SGCD: variants seen among roughly 807,000 people sequenced by gnomAD.
SGCD encodes delta-sarcoglycan.
SGCD carries 18 observed loss-of-function variants against 36.6 expected under a neutral mutation model. That is an observed-to-expected ratio of 0.49 (90% confidence interval 0.34 to 0.73). The LOEUF is 0.73. Among genes scored for constraint, SGCD ranks in the 30% least tolerant of loss-of-function variants. The probability of loss-of-function intolerance (pLI) is 0.01; values close to 1 mark genes in which losing one functional copy is unlikely to be tolerated. For missense variants in SGCD, 387 were observed against 346.7 expected (o/e 1.12, Z -0.92); for synonymous variants, 133 against 130.6 (o/e 1.02, Z -0.12).
chr5:156,715,244 G>C (rs1755165969), intron 7 of SGCD, among the ~76,000 whole-genome samples: 1 of 152,150 alleles, frequency 6.6e-6, no homozygotes, highest in African/African-American at 2.4e-5. Flanking sequence ...TAAATTCAAT[G>C]CAATTATTAT....
At chr5:156,033,633 G>A (rs1050174786) in intron 1 of SGCD, among the ~76,000 whole-genome samples, 3 of 152,130 alleles carry the variant, frequency 2.0e-5, no homozygotes, top group African/African-American at 4.8e-5. Flanking sequence ...CTCTTTAATG[G>A]AGGTGAAAGC....
chr5:156,481,095 A>G (rs1179859511), intron 3 of SGCD, among the ~76,000 whole-genome samples: 3 of 152,232 alleles, frequency 2.0e-5, no homozygotes, highest in Non-Finnish European at 4.4e-5. Flanking sequence ...GTATGACTCC[A>G]TAATGTTGGG....
At chr5:156,072,529 G>A (rs1329402536) in intron 1 of SGCD, among the ~76,000 whole-genome samples, 2 of 151,602 alleles carry the variant, frequency 1.3e-5, no homozygotes, top group African/African-American at 2.4e-5. Flanking sequence ...TTCCTTTGAG[G>A]GTAACCCGAC....
At chr5:156,073,092 C>T (rs527298132) in intron 1 of SGCD, among the ~76,000 whole-genome samples, 22 of 152,218 alleles carry the variant, frequency 1.4e-4, no homozygotes, top group Middle Eastern at 3.4e-3. Flanking sequence ...TCCTGTAGCT[C>T]GGAGTAGTTT....
At chr5:156,166,457 C>T (rs1763217110) in intron 3 of SGCD, among the ~76,000 whole-genome samples, 1 of 152,148 alleles carries the variant, frequency 6.6e-6, no homozygotes, top group Admixed American at 6.5e-5. Flanking sequence ...GCTGGGACTA[C>T]AGATGCCAGA....
At chr5:156,577,527 A>C (rs1386069318) in intron 4 of SGCD, among the ~76,000 whole-genome samples, 2 of 152,184 alleles carry the variant, frequency 1.3e-5, no homozygotes, top group Non-Finnish European at 2.9e-5. Flanking sequence ...TTTTCACAAT[A>C]TTTATCCTTC....
intron 1 of SGCD, among the ~76,000 whole-genome samples, chr5:155,965,219 C>T (rs889244114): frequency 1.1e-4 from 17 of 152,114 alleles, no homozygotes; most frequent in African/African-American, 3.9e-4. Context: ...GTTTCAGAAT[C>T]CTGCTCTTTG....
intron 1 of SGCD, among the ~76,000 whole-genome samples, chr5:156,080,096 C>T (rs1019030877): frequency 3.3e-5 from 5 of 152,244 alleles, no homozygotes; most frequent in African/African-American, 1.2e-4. Context: ...AGGCTTAATA[C>T]CACATAGGAG....
At chr5:156,740,770 C>T (rs1411751076) in intron 7 of SGCD, among the ~76,000 whole-genome samples, 2 of 152,156 alleles carry the variant, frequency 1.3e-5, no homozygotes, top group Admixed American at 6.5e-5. Flanking sequence ...TCAATAAATG[C>T]CCTGGCATTC....
chr5:156,312,406 T>G lies in SGCD; in HGVS notation c.-43-17128T>G, dbSNP rs1170848110. Among the ~76,000 whole-genome samples, 5 of 152,294 alleles carry G rather than the reference T, an allele frequency of 3.3e-5. No individual in the cohort carries two copies. The East Asian group carries it at 7.7e-4, about 24-fold the overall frequency. On this transcript the variant is annotated intron_variant, in intron 3 of 9. Transcript: ENST00000517913. ...AAAAAGGTAATCCTTAGCTACCACA[T>G]AGGGATTCTAAAACCCAAGTGAAAC...
intron 7 of SGCD, among the ~76,000 whole-genome samples, chr5:156,702,752 T>C (rs1222821816): frequency 1.3e-5 from 2 of 152,206 alleles, no homozygotes; most frequent in East Asian, 3.9e-4. Context: ...ACAATTCTCA[T>C]GGGCCTCTTG....
the SGCD span, among the ~76,000 whole-genome samples, chr5:155,787,232 G>A: frequency 6.6e-6 from 1 of 152,090 alleles, no homozygotes; most frequent in Non-Finnish European, 1.5e-5. Flanking sequence ...TGAGATTAAA[G>A]CAGCAAATTG....
At chr5:155,729,303 TAGAGATCCGCAGCCGCCTGGGCGCGCTA>T in the SGCD span, among the ~76,000 whole-genome samples, 28 of 152,190 alleles carry the variant, frequency 1.8e-4, no homozygotes, top group Non-Finnish European at 4.4e-5. Flanking sequence ...CATAAGCGCT[TAGAGATCCGCAGCCGCCTGGGCGCGCTA>T]AGAGATCGTG....
chr5:156,201,476 A>G (rs1015587502), intron 3 of SGCD, among the ~76,000 whole-genome samples: 1 of 152,156 alleles, frequency 6.6e-6, no homozygotes, highest in Non-Finnish European at 1.5e-5. Context: ...CAATGTCAAG[A>G]TGTCTTACGT....
At chr5:155,924,523 G>A (rs1479097811) in intron 1 of SGCD, among the ~76,000 whole-genome samples, 1 of 152,170 alleles carries the variant, frequency 6.6e-6, no homozygotes, top group Non-Finnish European at 1.5e-5. Flanking sequence ...GCGTATAGTT[G>A]GGTAGATAAA....
At chr5:156,322,003 T>C (rs1236672777), upstream of SGCD, among the ~76,000 whole-genome samples, 1 of 152,178 alleles carries the variant, frequency 6.6e-6, no homozygotes. Flanking sequence ...CTGTAACTGC[T>C]CTGTGGCCCT....
chr5:156,041,812 G>A (rs192549602), intron 1 of SGCD, among the ~76,000 whole-genome samples: 22 of 152,282 alleles, frequency 1.4e-4, no homozygotes, highest in African/African-American at 4.8e-4. Flanking sequence ...ACTGTGAAGA[G>A]GTTCCAGAAA....
the SGCD span, among the ~76,000 whole-genome samples, chr5:155,777,345 A>ATTTTTT: frequency 7.1e-6 from 1 of 140,288 alleles, no homozygotes; most frequent in African/African-American, 2.6e-5. Context: ...GGCTTTGGAA[A>ATTTTTT]TTTGTAGTTT....
At chr5:155,735,053 G>C in the SGCD span, among the ~76,000 whole-genome samples, 1 of 152,198 alleles carries the variant, frequency 6.6e-6, no homozygotes. Flanking sequence ...CTGACATATA[G>C]AAACCTCACA....
Sources: gnomAD v4.1 joint callset for allele counts (sites outside exome capture counted in the v4.1 genomes callset) on GRCh38, gnomAD v4.1.1 for gene constraint, MANE v1.5 for transcripts, NCBI Gene and HGNC (gene_info 2026-07-23, HGNC 2026-07-21) for gene names.